The following PDE1C variants were observed in gnomAD, a reference collection of about 807,000 sequenced individuals.
PDE1C encodes dual specificity calcium/calmodulin-dependent 3',5'-cyclic nucleotide phosphodiesterase 1C.
Under a neutral mutation model 93.1 loss-of-function variants are expected in PDE1C, and 62 were observed. The ratio of observed to expected loss-of-function variants is 0.67; its 90% CI spans 0.54 to 0.82. PDE1C has a LOEUF of 0.82. PDE1C is among the 40% of genes least tolerant of loss of function. PDE1C has a pLI of 0.00. For missense variants in PDE1C, 742 were observed against 884.6 expected, an observed-to-expected ratio of 0.84 and a Z score of 2.04; for synonymous variants, 325 against 310.1, an observed-to-expected ratio of 1.05 and a Z score of -0.50.
chr7:32,009,771 T>C (rs1786822211), intron 2 of PDE1C, among the ~76,000 whole-genome samples: 1 of 152,204 alleles, frequency 6.6e-6, no homozygotes, highest in African/African-American at 2.4e-5. Context: ...CAACATGACA[T>C]TTTATGTAGA....
chr7:32,025,459 G>A (rs1339378462), intron 2 of PDE1C, among the ~76,000 whole-genome samples: 2 of 152,096 alleles, frequency 1.3e-5, no homozygotes, highest in East Asian at 1.9e-4. Context: ...TGAAGACATT[G>A]CTAAACAGCT....
chr7:31,744,872 T>C, the PDE1C span, among the ~76,000 whole-genome samples: 1 of 152,198 alleles, frequency 6.6e-6, no homozygotes, highest in African/African-American at 2.4e-5. Flanking sequence ...TTCAGACAAA[T>C]TGCCTACTTT....
intron 2 of PDE1C, among the ~76,000 whole-genome samples, chr7:32,186,100 T>C: frequency 7.0e-6 from 1 of 143,706 alleles, no homozygotes; most frequent in Non-Finnish European, 1.5e-5. Flanking sequence ...TTTTTTTTTT[T>C]TTTTTTTTTT....
chr7:31,649,573 T>C, the PDE1C span, among the ~76,000 whole-genome samples: 6,680 of 152,228 alleles, frequency 0.044, 468 homozygotes, highest in African/African-American at 0.15. Flanking sequence ...AGAGAAAGAT[T>C]GTGAGTAGTC....
intron 2 of PDE1C, among the ~76,000 whole-genome samples, chr7:31,932,373 A>T (rs1430892799): frequency 6.6e-6 from 1 of 152,206 alleles, no homozygotes; most frequent in East Asian, 1.9e-4. Context: ...ATTTACAAGA[A>T]AAAAGAAAAC....
intron 2 of PDE1C, among the ~76,000 whole-genome samples, chr7:31,886,282 A>T (rs1336616932): frequency 1.3e-5 from 2 of 152,228 alleles, no homozygotes; most frequent in African/African-American, 4.8e-5. Context: ...CCTAAATGCC[A>T]TAGGAAATAA....
chr7:31,785,831 A>T (rs1468201280), intron 16 of PDE1C: 3 of 152,204 alleles, frequency 2.0e-5, no homozygotes, highest in African/African-American at 7.2e-5. Flanking sequence ...AGGAAACCTT[A>T]AAAAGTAAAA....
intron 3 of PDE1C, among the ~76,000 whole-genome samples, chr7:32,156,197 TGCCA>T (rs1454720032): frequency 6.6e-6 from 1 of 152,290 alleles, no homozygotes; most frequent in East Asian, 1.9e-4. Flanking sequence ...GGTAAATGTG[TGCCA>T]TGGTGGTTTG....
At position 31,847,985 on chromosome 7, in the gene PDE1C, G is replaced by C. The variant is rs2128794924; in HGVS notation, c.963C>G (p.Leu321=). The C allele has an allele frequency of 6.2e-7, 1 of 1,612,764 alleles. No homozygotes were observed. The highest frequency in any genetic ancestry group is 8.5e-7 in the Non-Finnish European group (1 of 1,179,424). The part of the protein sequence containing the change: ...DDEEMNILIN[L]SKDDWREFRT... Reference sequence around the variant, plus strand: ...ATCCTTACCTCCAGTCATCCTTTGAGAGGTTAATCAAAATATTCATTTCCT... The same window carrying C: ...ATCCTTACCTCCAGTCATCCTTTGACAGGTTAATCAAAATATTCATTTCCT... Residue 321 remains leucine (L), a synonymous_variant, in exon 9 of 18, where the codon CTC becomes CTG. Coordinates refer to ENST00000396191, the MANE Select transcript of PDE1C (RefSeq NM_001191057.4).
intron 2 of PDE1C, among the ~76,000 whole-genome samples, chr7:31,960,486 T>C (rs1282192876): frequency 3.3e-5 from 5 of 152,236 alleles, no homozygotes; most frequent in Non-Finnish European, 5.9e-5. Flanking sequence ...GGGAGGATAC[T>C]GTGTATAAAG....
At chr7:31,780,803 TTGTGTGTGTGTG>T (rs55970947) in intron 16 of PDE1C, among the ~76,000 whole-genome samples, 15,414 of 149,604 alleles carry the variant, frequency 0.1, 1,149 homozygotes, top group East Asian at 0.43. Context: ...ACGTGTGCAT[TTGTGTGTGTGTG>T]TGTGTGTGTG....
Position 31,833,568 on chromosome 7 carries a change from G to A in PDE1C, c.1203+3612C>T, listed in dbSNP as rs116456566. On this transcript the variant is annotated intron_variant, in intron 11 of 17. Transcript: ENST00000396191. ...AGGCTGAGGTGGTCTCAGTGGAGAC[G>A]AGGAACTAGTTGGGAACTGGAGTAA... Among the ~76,000 whole-genome samples, 758 of 152,272 alleles carry A rather than the reference G, an allele frequency of 5.0e-3. 5 individuals are homozygous for A. The highest frequency in any genetic ancestry group is 0.017 in the African/African-American group (720 of 41,546).
intron 16 of PDE1C, among the ~76,000 whole-genome samples, chr7:31,782,770 A>C (rs559354359): frequency 1.3e-5 from 2 of 152,218 alleles, no homozygotes; most frequent in Non-Finnish European, 2.9e-5. Context: ...AGCAATACAC[A>C]CTCAGAAGAA....
the PDE1C span, among the ~76,000 whole-genome samples, chr7:31,665,085 TCTCA>T: frequency 6.6e-6 from 1 of 152,170 alleles, no homozygotes. Context: ...CTCCTTCCTC[TCTCA>T]CTATGTTGCA....
chr7:31,798,838 C>T (rs1381290748), intron 16 of PDE1C, among the ~76,000 whole-genome samples: 2 of 151,670 alleles, frequency 1.3e-5, no homozygotes, highest in East Asian at 3.9e-4. Flanking sequence ...ACACGAAGCC[C>T]TGTGGGAAGA....
intron 2 of PDE1C, among the ~76,000 whole-genome samples, chr7:31,975,368 T>A (rs1167892204): frequency 6.6e-6 from 1 of 152,178 alleles, no homozygotes; most frequent in Non-Finnish European, 1.5e-5. Flanking sequence ...CAAAAGCATC[T>A]GCAATTCTAT....
At chr7:32,009,304 T>G (rs1021691401) in intron 2 of PDE1C, among the ~76,000 whole-genome samples, 1 of 151,778 alleles carries the variant, frequency 6.6e-6, no homozygotes, top group Non-Finnish European at 1.5e-5. Flanking sequence ...GGAGATGGAG[T>G]TGGGGTTCCA....
chr7:32,182,703 G>C (rs995821178), intron 2 of PDE1C, among the ~76,000 whole-genome samples: 2 of 152,114 alleles, frequency 1.3e-5, no homozygotes, highest in Non-Finnish European at 2.9e-5. Context: ...ATACTGAATG[G>C]GCAAAAACTG....
the PDE1C span, among the ~76,000 whole-genome samples, chr7:31,662,392 CTG>C: frequency 6.6e-6 from 1 of 152,176 alleles, no homozygotes; most frequent in South Asian, 2.1e-4. Flanking sequence ...TCATCTCTAA[CTG>C]TGTGTCCCAC....
Sources: allele counts gnomAD v4.1 joint callset (sites outside exome capture counted in the v4.1 genomes callset), GRCh38; gene constraint gnomAD v4.1.1; transcripts MANE v1.5; gene names NCBI Gene and HGNC (gene_info 2026-07-23, HGNC 2026-07-21).